AUTS2: variants seen among roughly 807,000 people sequenced by gnomAD.
The protein encoded by AUTS2 is activator of transcription and developmental regulator AUTS2.
A neutral mutation model predicts 112.4 loss-of-function variants in AUTS2; 17 were observed. The observed-to-expected ratio is 0.15, with a 90% CI of 0.10 to 0.23. The LOEUF is 0.23. Ranked by LOEUF, AUTS2 falls within the 10% of genes least tolerant of loss-of-function variation. The pLI is 1.00. For synonymous variants in AUTS2, 751 were observed against 702.7 expected (o/e 1.07, Z -1.09); for missense variants, 1,510 against 1,701.6 (o/e 0.89, Z 1.98).
rs76707812 is a variant in AUTS2 at position 70,036,220 on chromosome 7, C to T, written c.523-81912C>T. On this transcript the variant is annotated intron_variant, in intron 2 of 18. Coordinates refer to ENST00000342771, the MANE Select transcript of AUTS2 (RefSeq NM_015570.4). ...GCTGGAAAGCCAGTGTGGCTTGAAGCGTGCTAAGAGTGAGACTGGAAATGC... is the reference window on the plus strand; with the variant it reads ...GCTGGAAAGCCAGTGTGGCTTGAAGTGTGCTAAGAGTGAGACTGGAAATGC... Among the ~76,000 whole-genome samples the T allele has an allele frequency of 3.1e-3, 468 of 152,286 alleles. 5 individuals are homozygous for T. Among genetic ancestry groups the T allele is most frequent in the African/African-American group, 0.01 (436 of 41,560 alleles).
chr7:70,205,430 A>G (rs1810523507), intron 4 of AUTS2, among the ~76,000 whole-genome samples: 1 of 152,220 alleles, frequency 6.6e-6, no homozygotes, highest in African/African-American at 2.4e-5. Flanking sequence ...ACAACGTGTC[A>G]GTCAACAACA....
intron 2 of AUTS2, among the ~76,000 whole-genome samples, chr7:69,914,420 T>C (rs918902972): frequency 1.3e-5 from 2 of 149,304 alleles, no homozygotes; most frequent in African/African-American, 5.0e-5. Context: ...CAATACAGTA[T>C]GACTGTTGTC....
chr7:70,264,685 G>C (rs532936439), intron 4 of AUTS2, among the ~76,000 whole-genome samples: 1 of 152,156 alleles, frequency 6.6e-6, no homozygotes, highest in Admixed American at 6.5e-5. Flanking sequence ...GTTGGAGTAC[G>C]GTGAGTAACA....
chr7:70,785,608 T>A, intron 16 of AUTS2: 1 of 433,046 alleles, frequency 2.3e-6, no homozygotes, highest in South Asian at 1.8e-5. Context: ...AGATGCCACC[T>A]CCTTTCTGTT....
At chr7:70,062,780 T>C (rs191546318) in intron 2 of AUTS2, among the ~76,000 whole-genome samples, 154 of 152,302 alleles carry the variant, frequency 1.0e-3, no homozygotes, top group African/African-American at 3.7e-3. Context: ...TTACATGAAC[T>C]CTGTTGTTTT....
chr7:70,786,675 G>A (rs1791510265), intron 17 of AUTS2, among the ~76,000 whole-genome samples: 2 of 152,120 alleles, frequency 1.3e-5, no homozygotes, highest in African/African-American at 4.8e-5. Flanking sequence ...CCGGGTACAG[G>A]AAGAGCTAAA....
At chr7:69,813,566 C>T (rs1481961546) in intron 1 of AUTS2, among the ~76,000 whole-genome samples, 3 of 152,144 alleles carry the variant, frequency 2.0e-5, no homozygotes, top group Non-Finnish European at 1.5e-5. Context: ...CTCTCAGAAT[C>T]GTTGTGAAGA....
intron 1 of AUTS2, among the ~76,000 whole-genome samples, chr7:69,766,964 T>A (rs185162953): frequency 6.6e-6 from 1 of 152,220 alleles, no homozygotes; most frequent in Non-Finnish European, 1.5e-5. Context: ...ACTGGAAAAG[T>A]GTGTGAAGCA....
At chr7:70,502,667 C>T (rs1798813668) in intron 5 of AUTS2, among the ~76,000 whole-genome samples, 4 of 152,172 alleles carry the variant, frequency 2.6e-5, no homozygotes, top group Admixed American at 2.6e-4. Context: ...AGCCCAGGCT[C>T]AGTGAGGTGT....
chr7:69,610,338 G>A (rs1352133979), intron 1 of AUTS2, among the ~76,000 whole-genome samples: 2 of 152,324 alleles, frequency 1.3e-5, no homozygotes, highest in Non-Finnish European at 2.9e-5. Context: ...TTAAAATGCA[G>A]GCCTACCTCT....
intron 2 of AUTS2, among the ~76,000 whole-genome samples, chr7:69,951,265 C>T (rs1416836999): frequency 1.4e-4 from 21 of 151,970 alleles, no homozygotes; most frequent in Non-Finnish European, 1.5e-5. Context: ...AACCTCCTTC[C>T]AACCACTGGT....
At chr7:69,911,399 T>C (rs1341949043) in intron 2 of AUTS2, among the ~76,000 whole-genome samples, 2 of 152,178 alleles carry the variant, frequency 1.3e-5, no homozygotes, top group Non-Finnish European at 2.9e-5. Flanking sequence ...CTTCTCTCCT[T>C]CTCATTAACT....
intron 4 of AUTS2, among the ~76,000 whole-genome samples, chr7:70,435,324 A>T (rs1032885223): frequency 6.6e-6 from 1 of 152,218 alleles, no homozygotes; most frequent in African/African-American, 2.4e-5. Context: ...AGCCATTCAC[A>T]TTAGCTGAAG....
chr7:69,902,967 T>A (rs1338907013), intron 2 of AUTS2, among the ~76,000 whole-genome samples: 1 of 152,212 alleles, frequency 6.6e-6, no homozygotes, highest in Non-Finnish European at 1.5e-5. Flanking sequence ...GGGTTAAAAT[T>A]ATGAAGAAAT....
intron 1 of AUTS2, among the ~76,000 whole-genome samples, chr7:69,853,959 A>G (rs529482653): frequency 2.3e-3 from 353 of 152,324 alleles, no homozygotes; most frequent in Non-Finnish European, 4.1e-3. Flanking sequence ...ATATGAAATC[A>G]TGTTGCTCTA....
intron 1 of AUTS2, among the ~76,000 whole-genome samples, chr7:69,688,367 A>T (rs554005685): frequency 5.3e-5 from 8 of 152,240 alleles, no homozygotes; most frequent in African/African-American, 1.9e-4. Context: ...GTTGCACCTT[A>T]GATTCACATT....
At chr7:70,090,653 T>G (rs1051215381) in intron 2 of AUTS2, among the ~76,000 whole-genome samples, 3 of 151,440 alleles carry the variant, frequency 2.0e-5, no homozygotes, top group African/African-American at 7.3e-5. Context: ...CCATTTGCCC[T>G]CTTCCTAAAG....
chr7:69,943,048 A>G (rs746967285), intron 2 of AUTS2, among the ~76,000 whole-genome samples: 5 of 152,238 alleles, frequency 3.3e-5, no homozygotes, highest in Admixed American at 6.5e-5. Context: ...ATGTGTATAC[A>G]TATACACACA....
chr7:69,813,320 T>G (rs1276011137), intron 1 of AUTS2, among the ~76,000 whole-genome samples: 1 of 152,168 alleles, frequency 6.6e-6, no homozygotes, highest in Admixed American at 6.5e-5. Flanking sequence ...TGTATTTCTA[T>G]TGCTGGAGCA....
Sources: allele counts gnomAD v4.1 joint callset (sites outside exome capture counted in the v4.1 genomes callset), GRCh38; gene constraint gnomAD v4.1.1; transcripts MANE v1.5; gene names NCBI Gene and HGNC (gene_info 2026-07-23, HGNC 2026-07-21).